TAFA2: variants seen among roughly 807,000 people sequenced by gnomAD.
TAFA2 encodes the protein chemokine-like protein TAFA-2.
In TAFA2, 7 loss-of-function variants were observed where a neutral mutation model predicts 18.8. That is an observed-to-expected ratio of 0.37 (90% confidence interval 0.21 to 0.70). The LOEUF (loss-of-function observed/expected upper bound fraction) is 0.70. TAFA2 is among the 30% of genes least tolerant of loss of function. TAFA2 has a pLI of 0.53. For missense variants in TAFA2, 122 were observed against 158.1 expected (o/e 0.77, Z 1.23); for synonymous variants, 60 against 54.2 (o/e 1.11, Z -0.47).
At chr12:62,103,609 C>T (rs1000429251) in intron 1 of TAFA2, among the ~76,000 whole-genome samples, 2 of 152,094 alleles carry the variant, frequency 1.3e-5, no homozygotes, top group African/African-American at 4.8e-5. Flanking sequence ...GGTGTGATGG[C>T]GTATGCCTGT....
At chr12:62,035,735 T>TTC (rs1258044364) in intron 1 of TAFA2, among the ~76,000 whole-genome samples, 6 of 95,940 alleles carry the variant, frequency 6.3e-5, no homozygotes, top group Non-Finnish European at 1.1e-4. Context: ...GATTCTTTCT[T>TTC]TTTTTTTTTT....
intron 1 of TAFA2, among the ~76,000 whole-genome samples, chr12:61,947,414 A>G (rs1878312836): frequency 2.0e-5 from 3 of 151,606 alleles, no homozygotes; most frequent in Admixed American, 2.0e-4. Context: ...ATATGTAACT[A>G]ACCTGCACAA....
intron 1 of TAFA2, among the ~76,000 whole-genome samples, chr12:61,977,282 T>C (rs1278828256): frequency 1.3e-5 from 2 of 152,056 alleles, no homozygotes; most frequent in Non-Finnish European, 2.9e-5. Flanking sequence ...TTGGATAAAA[T>C]ACATCATCTC....
intron 1 of TAFA2, among the ~76,000 whole-genome samples, chr12:62,142,874 G>C (rs1054021845): frequency 1.3e-5 from 2 of 152,028 alleles, no homozygotes; most frequent in Non-Finnish European, 2.9e-5. Context: ...TTAACCACCT[G>C]GTGCAGATTA....
At position 61,709,210 on chromosome 12, in the gene TAFA2, T is replaced by C. The variant is rs1350637223; in HGVS notation, c.*1196A>G. On this transcript the variant is annotated 3_prime_UTR_variant, in exon 5 of 5. Coordinates refer to ENST00000416284, the MANE Select transcript of TAFA2 (RefSeq NM_178539.5). ...CATGTTTAAGGCCTTTAAATATTTATGACTTTCCTGTAGAACCAAAACCAT... is the reference window on the plus strand; with the variant it reads ...CATGTTTAAGGCCTTTAAATATTTACGACTTTCCTGTAGAACCAAAACCAT... 2 of 152,576 alleles carry C rather than the reference T, an allele frequency of 1.3e-5. No individual in the cohort carries two copies. Among genetic ancestry groups the C allele is most frequent in the African/African-American group, 4.8e-5 (2 of 41,464 alleles). The allele number at this position is 152,576 out of a possible 1,614,324, so 9.5% of individuals were successfully genotyped here.
At chr12:61,739,489 G>T (rs980440579) in intron 4 of TAFA2, among the ~76,000 whole-genome samples, 1 of 151,864 alleles carries the variant, frequency 6.6e-6, no homozygotes, top group South Asian at 2.1e-4. Context: ...AAACAATTTT[G>T]TTTCATGTTA....
intron 4 of TAFA2, among the ~76,000 whole-genome samples, chr12:61,726,797 T>C (rs1021525529): frequency 6.6e-6 from 1 of 152,214 alleles, no homozygotes; most frequent in African/African-American, 2.4e-5. Context: ...ATCCTTGTCT[T>C]GTTCCAGTTC....
At chr12:62,257,264 A>G (rs1300595709) in intron 1 of TAFA2, among the ~76,000 whole-genome samples, 1 of 151,850 alleles carries the variant, frequency 6.6e-6, no homozygotes, top group Non-Finnish European at 1.5e-5. Flanking sequence ...AGCCAGTCCC[A>G]CAAAAAATTA....
intron 1 of TAFA2, among the ~76,000 whole-genome samples, chr12:62,045,083 T>C (rs1162968233): frequency 6.6e-6 from 1 of 152,176 alleles, no homozygotes; most frequent in Non-Finnish European, 1.5e-5. Context: ...GAAACCTAAC[T>C]AGCTTATCTG....
intron 2 of TAFA2, among the ~76,000 whole-genome samples, chr12:61,757,680 C>T (rs774133726): frequency 4.6e-5 from 7 of 151,518 alleles, no homozygotes; most frequent in South Asian, 2.1e-4. Flanking sequence ...GCAAGAAGAC[C>T]GATAAGGAGC....
intron 1 of TAFA2, among the ~76,000 whole-genome samples, chr12:62,062,004 T>C (rs752580478): frequency 9.9e-5 from 15 of 151,994 alleles, no homozygotes; most frequent in Non-Finnish European, 2.2e-4. Context: ...CAAAACCCCA[T>C]GTCTACTAAA....
intron 1 of TAFA2, among the ~76,000 whole-genome samples, chr12:62,202,821 CTTTTTTTTTTTTTTTTTTT>C (rs71083986): frequency 1.6e-5 from 1 of 61,626 alleles, no homozygotes; most frequent in Non-Finnish European, 3.0e-5. Context: ...CTGTGTGGTT[CTTTTTTTTTTTTTTTTTTT>C]TTTTTTTTAG....
At chr12:61,974,218 T>C (rs1334604689) in intron 1 of TAFA2, among the ~76,000 whole-genome samples, 2 of 151,736 alleles carry the variant, frequency 1.3e-5, no homozygotes, top group Non-Finnish European at 2.9e-5. Context: ...TTCATCACTC[T>C]TGCCAAATGT....
intron 1 of TAFA2, chr12:62,104,751 T>C (rs1412290246): frequency 2.2e-6 from 1 of 455,274 alleles, no homozygotes; most frequent in Non-Finnish European, 4.4e-6. Flanking sequence ...TACCTGGTAA[T>C]CGGGGTGACC....
At chr12:62,054,247 C>T (rs1882129801) in intron 1 of TAFA2, among the ~76,000 whole-genome samples, 1 of 152,162 alleles carries the variant, frequency 6.6e-6, no homozygotes, top group South Asian at 2.1e-4. Flanking sequence ...ATACAGAAAG[C>T]CTGTCTATGT....
chr12:62,012,412 TA>T (rs11301631), intron 1 of TAFA2, among the ~76,000 whole-genome samples: 119,967 of 145,064 alleles, frequency 0.83, 49,434 homozygotes, highest in Middle Eastern at 0.85. Context: ...TTTCAGCATT[TA>T]AAAAAAAAAA....
At chr12:62,087,518 GA>G (rs1255127523) in intron 1 of TAFA2, among the ~76,000 whole-genome samples, 6 of 152,086 alleles carry the variant, frequency 3.9e-5, no homozygotes, top group Non-Finnish European at 8.8e-5. Context: ...ATTTGAAGCA[GA>G]GAGTATAGCA....
At chr12:62,085,093 G>A (rs1462796668) in intron 1 of TAFA2, among the ~76,000 whole-genome samples, 1 of 152,140 alleles carries the variant, frequency 6.6e-6, no homozygotes, top group Non-Finnish European at 1.5e-5. Flanking sequence ...TGATCCTGCT[G>A]CAGTAGCATC....
chr12:61,875,302 A>T lies in TAFA2; in HGVS notation c.-1-7876T>A, dbSNP rs575123161. Among the ~76,000 whole-genome samples the T allele has an allele frequency of 5.6e-4, 85 of 152,066 alleles. 1 individual carries two copies. The highest frequency in any genetic ancestry group is 1.7e-3 in the African/African-American group (72 of 41,530). On this transcript the variant is annotated intron_variant, in intron 1 of 4. Coordinates refer to ENST00000416284, the MANE Select transcript of TAFA2 (RefSeq NM_178539.5). ...TGTATCTCTTTCCACTTCAGTCTTA[A>T]CCCTAAACTACTTTCTTTCTCTGCA... is the stretch of plus-strand genomic sequence containing the variant.
Sources: allele counts gnomAD v4.1 joint callset (sites outside exome capture counted in the v4.1 genomes callset), GRCh38; gene constraint gnomAD v4.1.1; transcripts MANE v1.5; gene names NCBI Gene and HGNC (gene_info 2026-07-23, HGNC 2026-07-21).